SLC9D1: variants seen among roughly 807,000 people sequenced by gnomAD.
SLC9D1 encodes solute carrier family 9 member D1.
chr13:113,543,003 A>G, the SLC9D1 span, among the ~76,000 whole-genome samples: 8 of 147,754 alleles, frequency 5.4e-5, 2 homozygotes, highest in South Asian at 1.7e-3. Context: ...CTCGGCTGCC[A>G]TTTGATCCCC....
chr13:113,532,319 T>C, the SLC9D1 span, among the ~76,000 whole-genome samples: 1 of 152,216 alleles, frequency 6.6e-6, no homozygotes, highest in African/African-American at 2.4e-5. Context: ...GCACAGGCTC[T>C]ACCTTTGGAG....
chr13:113,518,745 T>G, the SLC9D1 span, among the ~76,000 whole-genome samples: 1 of 152,170 alleles, frequency 6.6e-6, no homozygotes, highest in Non-Finnish European at 1.5e-5. Flanking sequence ...ACAATATTAG[T>G]TGGGAGGCAA....
At chr13:113,494,796 G>A in the SLC9D1 span, among the ~76,000 whole-genome samples, 3 of 152,168 alleles carry the variant, frequency 2.0e-5, no homozygotes, top group Non-Finnish European at 4.4e-5. Context: ...TTTCTGGAGT[G>A]ACGTTGAGCA....
At chr13:113,511,020 G>A in the SLC9D1 span, among the ~76,000 whole-genome samples, 4 of 128,606 alleles carry the variant, frequency 3.1e-5, no homozygotes, top group East Asian at 2.3e-4. Context: ...AGGCAGGACC[G>A]TGTCCCTGTG....
At chr13:113,492,560 T>C in the SLC9D1 span, among the ~76,000 whole-genome samples, 1 of 152,212 alleles carries the variant, frequency 6.6e-6, no homozygotes, top group Non-Finnish European at 1.5e-5. Flanking sequence ...TTTTTTTCAC[T>C]CAGCCTTGAG....
chr13:113,494,280 G>A, the SLC9D1 span, among the ~76,000 whole-genome samples: 1 of 152,112 alleles, frequency 6.6e-6, no homozygotes, highest in African/African-American at 2.4e-5. Context: ...CTTGTGACTG[G>A]TGATCTCCTA....
the SLC9D1 span, among the ~76,000 whole-genome samples, chr13:113,513,424 G>A: frequency 6.6e-6 from 1 of 152,220 alleles, no homozygotes; most frequent in African/African-American, 2.4e-5. Flanking sequence ...CATTTAGTCA[G>A]TTATGACTGT....
the SLC9D1 span, chr13:113,527,419 G>A: frequency 6.6e-6 from 1 of 152,086 alleles, no homozygotes; most frequent in Non-Finnish European, 1.5e-5. Context: ...TTGTCCCCGC[G>A]TCACTCCGAG....
the SLC9D1 span, among the ~76,000 whole-genome samples, chr13:113,548,672 T>A: frequency 2.0e-5 from 3 of 152,226 alleles, no homozygotes; most frequent in African/African-American, 7.2e-5. Context: ...TGCATTAACC[T>A]TTTACAACAA....
chr13:113,546,376 G>A, the SLC9D1 span, among the ~76,000 whole-genome samples: 32 of 152,008 alleles, frequency 2.1e-4, no homozygotes, highest in African/African-American at 7.0e-4. This position sits in a 1 kb window ranked among gnomAD's most constrained non-coding sequence, Gnocchi z 7.1. Context: ...GGTAGGAGGG[G>A]CCGTGGGGAG....
chr13:113,542,879 A>G, the SLC9D1 span, among the ~76,000 whole-genome samples: 1 of 152,140 alleles, frequency 6.6e-6, no homozygotes, highest in South Asian at 2.1e-4. Flanking sequence ...AAAGCAGCAC[A>G]GAGTTGGGAG....
At chr13:113,533,354 A>G in the SLC9D1 span, among the ~76,000 whole-genome samples, 1 of 152,168 alleles carries the variant, frequency 6.6e-6, no homozygotes, top group Admixed American at 6.5e-5. Context: ...TTGCGTTTCC[A>G]GCACTTCTGC....
the SLC9D1 span, among the ~76,000 whole-genome samples, chr13:113,502,992 CT>C: frequency 6.6e-6 from 1 of 152,234 alleles, no homozygotes; most frequent in African/African-American, 2.4e-5. Context: ...CAGGGCTCGC[CT>C]TGGCAGAATG....
the SLC9D1 span, among the ~76,000 whole-genome samples, chr13:113,515,885 C>T: frequency 7.8e-5 from 10 of 128,556 alleles, no homozygotes; most frequent in South Asian, 1.0e-3. Flanking sequence ...AGCGAGACTC[C>T]GTCCCAAAAA....
At chr13:113,525,655 C>A in the SLC9D1 span, among the ~76,000 whole-genome samples, 3 of 149,860 alleles carry the variant, frequency 2.0e-5, no homozygotes, top group East Asian at 5.9e-4. Context: ...AACAAGCCAT[C>A]GTCATCATAG....
At chr13:113,550,006 C>T in the SLC9D1 span, 3 of 259,596 alleles carry the variant, frequency 1.2e-5, no homozygotes, top group African/African-American at 2.3e-5. Flanking sequence ...AGCTTGGAAG[C>T]TTACTTTTGA....
At chr13:113,525,350 G>A in the SLC9D1 span, among the ~76,000 whole-genome samples, 1 of 152,170 alleles carries the variant, frequency 6.6e-6, no homozygotes, top group Admixed American at 6.5e-5. Context: ...CAAACCTGCT[G>A]CACTGCCAAT....
chr13:113,517,894 CA>C, the SLC9D1 span, among the ~76,000 whole-genome samples: 1 of 151,592 alleles, frequency 6.6e-6, no homozygotes. Context: ...GGCCCCACAG[CA>C]AGGGGTTTAC....
the SLC9D1 span, among the ~76,000 whole-genome samples, chr13:113,506,825 G>A: frequency 1.5e-4 from 23 of 152,334 alleles, no homozygotes; most frequent in Admixed American, 1.4e-3. Flanking sequence ...TATAACGTAA[G>A]GTGGAGGTAA....
Sources: allele counts gnomAD v4.1 joint callset (sites outside exome capture counted in the v4.1 genomes callset), GRCh38; gene constraint gnomAD v4.1.1; non-coding constraint Gnocchi (gnomAD v3.1); transcripts MANE v1.5; gene names NCBI Gene and HGNC (gene_info 2026-07-23, HGNC 2026-07-21).